The following TNFSF4 variants were observed in gnomAD, a reference collection of about 807,000 sequenced individuals.
TNFSF4 encodes TNF superfamily member 4, also known as tumor necrosis factor ligand superfamily member 4.
In TNFSF4, 4 loss-of-function variants were observed where a neutral mutation model predicts 7.3. The ratio of observed to expected loss-of-function variants is 0.55; its 90% CI spans 0.27 to 1.25. The LOEUF (loss-of-function observed/expected upper bound fraction) is 1.25. TNFSF4 is among the 50% of genes most tolerant of loss of function. The pLI, the probability that TNFSF4 is intolerant of heterozygous loss-of-function variation, is 0.12. For synonymous variants in TNFSF4, 76 were observed against 83.7 expected, an observed-to-expected ratio of 0.91 and a Z score of 0.50; for missense variants, 181 against 208.8, an observed-to-expected ratio of 0.87 and a Z score of 0.82.
the TNFSF4 span, among the ~76,000 whole-genome samples, chr1:173,411,261 TCAGGGG>T: frequency 2.6e-5 from 4 of 152,218 alleles, no homozygotes; most frequent in African/African-American, 7.2e-5. Flanking sequence ...TGGACTAGTG[TCAGGGG>T]CAGGGGCAGG....
the TNFSF4 span, among the ~76,000 whole-genome samples, chr1:173,248,063 G>A: frequency 6.6e-6 from 1 of 152,078 alleles, no homozygotes; most frequent in Non-Finnish European, 1.5e-5. Flanking sequence ...AACAGCATAT[G>A]AAAAGTTCCA....
the TNFSF4 span, among the ~76,000 whole-genome samples, chr1:173,274,124 TACACACAC>T: frequency 1.4e-5 from 2 of 145,426 alleles, no homozygotes; most frequent in African/African-American, 2.5e-5. Context: ...TCCATGTTCA[TACACACAC>T]ACACACACAC....
chr1:173,260,182 A>G, the TNFSF4 span, among the ~76,000 whole-genome samples: 3 of 152,132 alleles, frequency 2.0e-5, no homozygotes, highest in African/African-American at 7.2e-5. Context: ...TTGGGGGCCA[A>G]TATTCAACAT....
At chr1:173,255,979 G>A in the TNFSF4 span, among the ~76,000 whole-genome samples, 1 of 152,102 alleles carries the variant, frequency 6.6e-6, no homozygotes, top group Non-Finnish European at 1.5e-5. Flanking sequence ...GAAAAGAGAG[G>A]GTAGTTCTTA....
the TNFSF4 span, among the ~76,000 whole-genome samples, chr1:173,436,006 A>G: frequency 2.0e-5 from 3 of 152,238 alleles, no homozygotes; most frequent in Admixed American, 2.0e-4. Flanking sequence ...TACTTGATAA[A>G]TATTTCCCAA....
chr1:173,370,823 A>G, the TNFSF4 span, among the ~76,000 whole-genome samples: 130 of 152,320 alleles, frequency 8.5e-4, no homozygotes, highest in African/African-American at 3.1e-3. Flanking sequence ...GCCCTCAGAC[A>G]AACAAACCTT....
the TNFSF4 span, among the ~76,000 whole-genome samples, chr1:173,384,592 TG>T: frequency 3.3e-5 from 5 of 152,168 alleles, no homozygotes; most frequent in African/African-American, 1.2e-4. Context: ...GCATATGCAG[TG>T]GTCTTCCCTC....
At chr1:173,268,793 T>G in the TNFSF4 span, among the ~76,000 whole-genome samples, 1 of 152,274 alleles carries the variant, frequency 6.6e-6, no homozygotes, top group East Asian at 1.9e-4. Flanking sequence ...TGGGGAAAGA[T>G]ATATCATGCA....
chr1:173,208,332 T>C (rs147669352), upstream of TNFSF4, among the ~76,000 whole-genome samples: 796 of 152,288 alleles, frequency 5.2e-3, 4 homozygotes, highest in South Asian at 0.013. Context: ...TGGCCAAGTA[T>C]GTCTCTCTCA....
chr1:173,378,359 G>A, the TNFSF4 span, among the ~76,000 whole-genome samples: 1 of 152,234 alleles, frequency 6.6e-6, no homozygotes, highest in Non-Finnish European at 1.5e-5. Context: ...CTGAACAGCA[G>A]GGTCCAGGGA....
chr1:173,176,712 T>G, the TNFSF4 span, among the ~76,000 whole-genome samples: 15 of 152,276 alleles, frequency 9.9e-5, no homozygotes, highest in Admixed American at 7.2e-4. Flanking sequence ...AGCAAAGACA[T>G]GGAATCAACC....
At chr1:173,205,311 C>G in intron 1 of TNFSF4, 2 of 1,612,202 alleles carry the variant, frequency 1.2e-6, no homozygotes, top group Non-Finnish European at 1.7e-6. Flanking sequence ...GATCACTCAC[C>G]ATGAGGTTTA....
At chr1:173,243,017 G>A in the TNFSF4 span, among the ~76,000 whole-genome samples, 2 of 106,954 alleles carry the variant, frequency 1.9e-5, no homozygotes, top group African/African-American at 6.7e-5. Flanking sequence ...GGGGGGGGGG[G>A]GAGCACAAAA....
the TNFSF4 span, among the ~76,000 whole-genome samples, chr1:173,398,538 C>G: frequency 6.6e-6 from 1 of 151,444 alleles, no homozygotes; most frequent in African/African-American, 2.4e-5. Flanking sequence ...CATTCTCCTG[C>G]CTCAGCCTCC....
the TNFSF4 span, among the ~76,000 whole-genome samples, chr1:173,249,694 G>C: frequency 1.3e-5 from 2 of 152,170 alleles, no homozygotes; most frequent in African/African-American, 4.8e-5. Context: ...TCATGTGCCA[G>C]GACACCACAG....
chr1:173,379,234 G>A, the TNFSF4 span, among the ~76,000 whole-genome samples: 10 of 152,112 alleles, frequency 6.6e-5, no homozygotes, highest in Non-Finnish European at 1.0e-4. Context: ...TCAGAAAGCC[G>A]TCCCCAGTAT....
At chr1:173,244,390 C>G in the TNFSF4 span, among the ~76,000 whole-genome samples, 2 of 151,914 alleles carry the variant, frequency 1.3e-5, no homozygotes, top group African/African-American at 4.8e-5. Context: ...CGCCTGTAAT[C>G]CCAGCACTTT....
At chr1:173,424,958 A>G in the TNFSF4 span, among the ~76,000 whole-genome samples, 1 of 152,188 alleles carries the variant, frequency 6.6e-6, no homozygotes, top group East Asian at 1.9e-4. Flanking sequence ...GAGATTCTTT[A>G]AATATTTCTT....
chr1:173,412,021 A>C, the TNFSF4 span, among the ~76,000 whole-genome samples: 1 of 150,572 alleles, frequency 6.6e-6, no homozygotes, highest in Non-Finnish European at 1.5e-5. Flanking sequence ...CAGGAGGCTA[A>C]GGCAGAATTG....
Sources: gnomAD v4.1 joint callset for allele counts (sites outside exome capture counted in the v4.1 genomes callset) on GRCh38, gnomAD v4.1.1 for gene constraint, MANE v1.5 for transcripts, NCBI Gene and HGNC (gene_info 2026-07-23, HGNC 2026-07-21) for gene names.